The following TPX2 variants were observed in gnomAD, a reference collection of about 807,000 sequenced individuals.
TPX2 encodes TPX2 microtubule nucleation factor.
In TPX2, 21 loss-of-function variants were observed where a neutral mutation model predicts 93.6. That is an observed-to-expected ratio of 0.22 (90% CI 0.16 to 0.32). TPX2 has a LOEUF of 0.32. Ranked by LOEUF, TPX2 falls within the 10% of genes least tolerant of loss-of-function variation. The probability of loss-of-function intolerance (pLI) is 1.00; values close to 1 mark genes in which losing one functional copy is unlikely to be tolerated. For synonymous variants in TPX2, 281 were observed against 298.3 expected, an observed-to-expected ratio of 0.94 and a Z score of 0.60; for missense variants, 776 against 871.1, an observed-to-expected ratio of 0.89 and a Z score of 1.37.
At chr20:31,767,345 T>G (rs1410013087) in intron 5 of TPX2, among the ~76,000 whole-genome samples, 3 of 151,942 alleles carry the variant, frequency 2.0e-5, no homozygotes, top group African/African-American at 7.3e-5. Context: ...CAAATATCTT[T>G]GTTCTTCTGT....
intron 2 of TPX2, among the ~76,000 whole-genome samples, chr20:31,752,974 A>G (rs1003706951): frequency 6.6e-6 from 1 of 152,162 alleles, no homozygotes; most frequent in Admixed American, 6.6e-5. Context: ...ACTGAGAAAC[A>G]TTCAAGGGCA....
rs60084722 is a variant in TPX2 at position 31,767,935 on chromosome 20, C to CT, written c.356+1267dup. 3.2e-3 allele frequency among the ~76,000 whole-genome samples: 443 copies of CT among 139,792 alleles called. 4 individuals are homozygous for CT. Among genetic ancestry groups the CT allele is most frequent in the African/African-American group, 8.5e-3 (327 of 38,476 alleles). The allele number at this position is 139,792 out of a possible 152,430, so 91.7% of individuals were successfully genotyped here. A position where few individuals can be genotyped will look rare whatever the true frequency, so the allele number is the denominator to read the frequency against. On this transcript the variant is annotated intron_variant, in intron 5 of 17. Transcript: ENST00000300403. ...TGAAATTTTGCCTCAAAAATTTCAT[C>CT]TTTTTTTTTTTTTTGAGAGAGGGTC... is the stretch of plus-strand genomic sequence containing the variant.
At chr20:31,783,614 A>G in intron 11 of TPX2, 91 bp from the exon 12 acceptor site, 1 of 1,219,952 alleles carries the variant, frequency 8.2e-7, no homozygotes. Flanking sequence ...AATCTTAATG[A>G]TTACTATTCT....
rs1052208114 is a variant in TPX2 at position 31,800,970 on chromosome 20, G to A, written c.2134G>A (p.Val712Met). The change falls in exon 18 of 18, where the codon GTG (valine) becomes ATG (methionine). Residue 712 changes from valine (V) to methionine (M), a missense_variant and splice_region_variant. By Grantham distance (21) the Val-to-Met change is conservative (BLOSUM62 1). Transcript: ENST00000300403. ...CTGGTAACTTTTCCTTACTTTGCAGGTGCATAAGGCAAATCCAATACGCAA... is the reference window on the plus strand; with the variant it reads ...CTGGTAACTTTTCCTTACTTTGCAGATGCATAAGGCAAATCCAATACGCAA... ...EELARLRREL[V>M]HKANPIRKYQ... 6.2e-7 allele frequency: 1 copy of A among 1,613,180 alleles called. No homozygotes were observed. Among genetic ancestry groups the A allele is most frequent in the Admixed American group, 1.7e-5 (1 of 60,002 alleles).
chr20:31,801,220 C>T lies in TPX2; in HGVS notation c.*140C>T, dbSNP rs2062170176. On this transcript the variant is annotated 3_prime_UTR_variant, in exon 18 of 18. Transcript: ENST00000300403. ...ACCTACCCGTGCCTGAGAAAGCATACTTGACAACTGTGGACTCCAGTTTTG... is the reference window on the plus strand; with the variant it reads ...ACCTACCCGTGCCTGAGAAAGCATATTTGACAACTGTGGACTCCAGTTTTG... The T allele has an allele frequency of 3.0e-6, 2 of 668,950 alleles. No homozygotes were observed. Among genetic ancestry groups the T allele is most frequent in the Non-Finnish European group, 5.2e-6 (2 of 387,802 alleles). 41.4% of individuals were successfully genotyped at this position (668,950 alleles called of 1,614,324 possible). A position where few individuals can be genotyped will look rare whatever the true frequency, so the allele number is the denominator to read the frequency against.
At chr20:31,780,466 A>G (rs1568597151) in intron 10 of TPX2, among the ~76,000 whole-genome samples, 1 of 152,216 alleles carries the variant, frequency 6.6e-6, no homozygotes, top group African/African-American at 2.4e-5. Flanking sequence ...AAATTTAAAT[A>G]TTAAGCATAA....
intron 17 of TPX2, 115 bp downstream of exon 17, chr20:31,798,667 A>T (rs929085040): frequency 1.6e-6 from 2 of 1,283,556 alleles, no homozygotes; most frequent in Non-Finnish European, 1.0e-6. Context: ...ACCAAAGACA[A>T]TGAGTGAAAG....
intron 2 of TPX2, among the ~76,000 whole-genome samples, chr20:31,744,360 AT>A (rs1203896435): frequency 6.6e-6 from 1 of 151,386 alleles, no homozygotes; most frequent in East Asian, 2.0e-4. Context: ...CGGTTTCACC[AT>A]ATTGGCCAGG....
At chr20:31,768,402 A>ATTTTTTTT (rs71272861) in intron 5 of TPX2, among the ~76,000 whole-genome samples, 1 of 140,348 alleles carries the variant, frequency 7.1e-6, no homozygotes, top group Non-Finnish European at 1.5e-5. Context: ...CGCGCGGCTA[A>ATTTTTTTT]TTTTTTTTTT....
intron 2 of TPX2, among the ~76,000 whole-genome samples, chr20:31,748,594 A>T (rs1462078699): frequency 1.3e-5 from 2 of 152,160 alleles, no homozygotes; most frequent in Non-Finnish European, 2.9e-5. Context: ...GGATCTTATG[A>T]TTTGATTACC....
intron 10 of TPX2, among the ~76,000 whole-genome samples, chr20:31,781,287 C>T (rs113818546): frequency 0.17 from 23,116 of 132,378 alleles, 2,422 homozygotes; most frequent in Non-Finnish European, 0.22. Context: ...GACAGAGTCT[C>T]GCTCTGTCGC....
At chr20:31,792,712 A>T in intron 12 of TPX2, 23 bp from the exon 13 acceptor site, 1 of 1,594,214 alleles carries the variant, frequency 6.3e-7, no homozygotes, top group Non-Finnish European at 8.6e-7. Context: ...GTGATATCTA[A>T]TTGAGTTGCT....
At chr20:31,781,026 C>T (rs374162826) in intron 10 of TPX2, 1 of 346,786 alleles carries the variant, frequency 2.9e-6, no homozygotes, top group Non-Finnish European at 5.6e-6. Context: ...CTCAAGCAAT[C>T]CTCCTGCCTT....
chr20:31,792,262 G>A (rs1215727595), intron 12 of TPX2, among the ~76,000 whole-genome samples: 2 of 152,136 alleles, frequency 1.3e-5, no homozygotes, highest in African/African-American at 4.8e-5. Context: ...AGGAGGCTGA[G>A]GTGGGAGGAT....
intron 5 of TPX2, among the ~76,000 whole-genome samples, chr20:31,769,207 AT>A (rs1272466691): frequency 7.4e-6 from 1 of 135,898 alleles, no homozygotes; most frequent in African/African-American, 3.1e-5. Flanking sequence ...AAGTATAATA[AT>A]AAAAAAAAAA....
At chr20:31,748,630 T>C (rs529738599) in intron 2 of TPX2, among the ~76,000 whole-genome samples, 1 of 152,348 alleles carries the variant, frequency 6.6e-6, no homozygotes, top group African/African-American at 2.4e-5. Context: ...GCAATGTTTA[T>C]AGGAAAACTT....
Position 31,791,572 on chromosome 20 carries a change from C to T in TPX2, c.1414-1163C>T, listed in dbSNP as rs185993292. ...GTGCTGGGATTACAGACATGAGCCACTGCACCTGGCCTAAAGAATTTTAAG... is the reference window on the plus strand; with the variant it reads ...GTGCTGGGATTACAGACATGAGCCATTGCACCTGGCCTAAAGAATTTTAAG... On this transcript the variant is annotated intron_variant, in intron 12 of 17. Coordinates refer to ENST00000300403, the MANE Select transcript of TPX2 (RefSeq NM_012112.5). Among the ~76,000 whole-genome samples the T allele has an allele frequency of 3.1e-4, 47 of 152,338 alleles. No individual in the cohort carries two copies. In the East Asian group the frequency reaches 8.9e-3, roughly 29 times the overall value.
intron 4 of TPX2, among the ~76,000 whole-genome samples, chr20:31,765,671 A>T (rs1304823898): frequency 6.6e-6 from 1 of 152,208 alleles, no homozygotes; most frequent in African/African-American, 2.4e-5. Context: ...TTATGATTAT[A>T]TAAATATTGT....
chr20:31,747,402 G>A (rs2061790529), intron 2 of TPX2, among the ~76,000 whole-genome samples: 2 of 152,178 alleles, frequency 1.3e-5, no homozygotes, highest in Non-Finnish European at 2.9e-5. Context: ...ACAGGCATAA[G>A]TCACTGTGCC....
Sources: gnomAD v4.1 joint callset for allele counts (sites outside exome capture counted in the v4.1 genomes callset) on GRCh38, gnomAD v4.1.1 for gene constraint, MANE v1.5 for transcripts, NCBI Gene and HGNC (gene_info 2026-07-23, HGNC 2026-07-21) for gene names.